Variants in HMOX2 observed in about 807,000 individuals in gnomAD.
HMOX2 encodes the protein heme oxygenase (decycling) 2.
HMOX2 carries 30 observed loss-of-function variants against 33.7 expected under a neutral mutation model. The observed-to-expected ratio is 0.89, with a 90% CI of 0.67 to 1.21. The LOEUF is 1.21. Among genes scored for constraint, HMOX2 ranks in the 50% most tolerant of loss-of-function variants. HMOX2 has a pLI of 0.00. For missense variants in HMOX2, 403 were observed against 399.1 expected, an observed-to-expected ratio of 1.01 and a Z score of -0.08; for synonymous variants, 155 against 155.0, an observed-to-expected ratio of 1.00 and a Z score of 0.00.
upstream of HMOX2, among the ~76,000 whole-genome samples, chr16:4,475,356 G>C (rs377350390): frequency 1.6e-3 from 230 of 143,014 alleles, 4 homozygotes; most frequent in African/African-American, 6.7e-3. Flanking sequence ...CCAGGCTGGA[G>C]TGCAGTGGTG....
At chr16:4,481,023 G>T (rs2141513065) in intron 1 of HMOX2, among the ~76,000 whole-genome samples, 1 of 151,804 alleles carries the variant, frequency 6.6e-6, no homozygotes, top group East Asian at 2.0e-4. Context: ...AAAGCACTGT[G>T]CTGAGGCTGC....
chr16:4,507,052 T>C (rs1348564725), intron 3 of HMOX2, 40 bp downstream of exon 3: 2 of 1,353,720 alleles, frequency 1.5e-6, no homozygotes, highest in Non-Finnish European at 2.1e-6. Flanking sequence ...TCATATGGGG[T>C]TGGGGTGGGG....
At chr16:4,494,143 C>T (rs1467413560) in intron 1 of HMOX2, among the ~76,000 whole-genome samples, 4 of 151,886 alleles carry the variant, frequency 2.6e-5, no homozygotes, top group Admixed American at 1.3e-4. Flanking sequence ...GGTGAAACCC[C>T]GTATCTACTA....
intron 3 of HMOX2, 84 bp downstream of exon 3, chr16:4,507,096 C>G (rs919623741): frequency 2.4e-6 from 2 of 838,412 alleles, no homozygotes; most frequent in Admixed American, 1.8e-5. Context: ...CCCCTGGAGC[C>G]ACTCTGAGGG....
At chr16:4,500,204 G>A (rs896554546) in intron 1 of HMOX2, among the ~76,000 whole-genome samples, 6 of 152,092 alleles carry the variant, frequency 3.9e-5, no homozygotes, top group African/African-American at 7.2e-5. Context: ...ATTTTATATC[G>A]GAGTGAGCTC....
intron 1 of HMOX2, among the ~76,000 whole-genome samples, chr16:4,480,128 A>G (rs962758792): frequency 4.0e-5 from 6 of 151,472 alleles, no homozygotes; most frequent in African/African-American, 4.9e-5. Flanking sequence ...GCTCACTGCA[A>G]TCTCTGCCTC....
At chr16:4,490,896 ATTGT>A (rs771135790) in intron 1 of HMOX2, among the ~76,000 whole-genome samples, 7 of 152,100 alleles carry the variant, frequency 4.6e-5, no homozygotes, top group South Asian at 2.1e-4. Flanking sequence ...TTTGGGCTAG[ATTGT>A]TTGTGGTGGT....
At chr16:4,501,158 C>G (rs2058548901) in intron 1 of HMOX2, among the ~76,000 whole-genome samples, 1 of 152,094 alleles carries the variant, frequency 6.6e-6, no homozygotes, top group Non-Finnish European at 1.5e-5. Context: ...CTGCCTTCCC[C>G]TCCCTCTTCC....
chr16:4,487,441 C>T (rs867194513), intron 1 of HMOX2, among the ~76,000 whole-genome samples: 5 of 151,850 alleles, frequency 3.3e-5, no homozygotes, highest in East Asian at 3.9e-4. Context: ...GAGGCCGAGG[C>T]GGGCGGATCA....
At chr16:4,475,650 A>G (rs1013749839), upstream of HMOX2, among the ~76,000 whole-genome samples, 1 of 151,976 alleles carries the variant, frequency 6.6e-6, no homozygotes, top group Non-Finnish European at 1.5e-5. Flanking sequence ...GTAAAACTAA[A>G]AAATGACTCT....
Position 4,510,084 on chromosome 16 carries a change from T to C in HMOX2, c.*328T>C. On this transcript the variant is annotated 3_prime_UTR_variant, in exon 6 of 6. Transcript: ENST00000570646. The stretch of plus-strand genomic sequence containing the variant: ...CCTGTTTTTGCAGTACATGGGTGAC[T>C]ATCTCCCCTGTTGGAGGTGAGTGGC... 3.1e-6 allele frequency: 1 copy of C among 325,786 alleles called. No homozygotes were observed. Among genetic ancestry groups the C allele is most frequent in the Non-Finnish European group, 5.7e-6 (1 of 174,438 alleles). The allele number at this position is 325,786 out of a possible 1,614,324, so 20.2% of individuals were successfully genotyped here. A position where few individuals can be genotyped will look rare whatever the true frequency, so the allele number is the denominator to read the frequency against.
chr16:4,505,534 G>A lies in HMOX2; in HGVS notation c.10G>A (p.Glu4Lys), dbSNP rs1299464840. The change falls in exon 2 of 6, where the codon GAA becomes AAA. Residue 4 changes from glutamate (E) to lysine (K), a missense_variant. By Grantham distance (56) the Glu-to-Lys change is moderately conservative. Coordinates refer to ENST00000570646, the MANE Select transcript of HMOX2 (RefSeq NM_002134.4). MSA[E>K]VETSEGVDES... ...ACCACACCCAGCAGCAATGTCAGCG[G>A]AAGTGGAAACCTCAGAGGGGGTAGA... 1 of 1,606,206 alleles carries A rather than the reference G, an allele frequency of 6.2e-7. No individual in the cohort carries two copies. Among genetic ancestry groups the A allele is most frequent in the African/African-American group, 1.3e-5 (1 of 74,644 alleles).
intron 1 of HMOX2, chr16:4,481,638 A>G (rs1248752903): frequency 6.6e-6 from 1 of 152,118 alleles, no homozygotes; most frequent in Non-Finnish European, 1.5e-5. Context: ...TTATCTTTTT[A>G]TTTTTCCACC....
chr16:4,500,117 T>G (rs1354695854), intron 1 of HMOX2, among the ~76,000 whole-genome samples: 1 of 152,168 alleles, frequency 6.6e-6, no homozygotes, highest in Non-Finnish European at 1.5e-5. Flanking sequence ...TAGGAAGCTT[T>G]TGGTTTAACT....
chr16:4,483,219 GTGTGTT>G (rs995134328), intron 1 of HMOX2, among the ~76,000 whole-genome samples: 10 of 86,126 alleles, frequency 1.2e-4, no homozygotes, highest in South Asian at 1.1e-3. Flanking sequence ...GTGTGTGTGT[GTGTGTT>G]TATGGAGGCT....
intron 1 of HMOX2, among the ~76,000 whole-genome samples, chr16:4,487,951 CAAAAAAAAAAA>C (rs71139635): frequency 2.4e-4 from 17 of 70,658 alleles, no homozygotes; most frequent in Non-Finnish European, 2.5e-4. Flanking sequence ...AACTCTGTCT[CAAAAAAAAAAA>C]AAAAAAAAAA....
At chr16:4,509,379 A>C in intron 4 of HMOX2, 33 bp from the exon 5 acceptor site, 1 of 1,602,008 alleles carries the variant, frequency 6.2e-7, no homozygotes, top group African/African-American at 1.4e-5. Flanking sequence ...TGGGCAGCCC[A>C]AAGATGGCTC....
chr16:4,489,819 C>A (rs557308374), intron 1 of HMOX2, among the ~76,000 whole-genome samples: 1 of 152,164 alleles, frequency 6.6e-6, no homozygotes, highest in Admixed American at 6.5e-5. Context: ...CATATGTTAC[C>A]CAGGCTGGTC....
At chr16:4,508,296 A>G (rs1358856754) in intron 4 of HMOX2, 92 bp downstream of exon 4, 1 of 1,375,290 alleles carries the variant, frequency 7.3e-7, no homozygotes, top group Non-Finnish European at 1.0e-6. Context: ...CACACATGGC[A>G]TTAGGACAGA....
Sources: allele counts gnomAD v4.1 joint callset (sites outside exome capture counted in the v4.1 genomes callset), GRCh38; gene constraint gnomAD v4.1.1; transcripts MANE v1.5; gene names NCBI Gene and HGNC (gene_info 2026-07-23, HGNC 2026-07-21).